Variants in DYM observed in about 807,000 individuals in gnomAD.
DYM encodes the protein dymeclin, also known as dyggve-Melchior-Clausen syndrome protein.
A neutral mutation model predicts 93.1 loss-of-function variants in DYM; 78 were observed. That is an observed-to-expected ratio of 0.84 (90% CI 0.70 to 1.01). The LOEUF is 1.01. Among genes scored for constraint, DYM ranks in the 50% least tolerant of loss-of-function variants. DYM has a pLI of 0.00. For missense variants in DYM, 789 were observed against 845.0 expected, an observed-to-expected ratio of 0.93 and a Z score of 0.82; for synonymous variants, 321 against 319.7, an observed-to-expected ratio of 1.00 and a Z score of -0.04.
At chr18:49,167,941 T>C (rs2088122678) in intron 14 of DYM, among the ~76,000 whole-genome samples, 2 of 152,102 alleles carry the variant, frequency 1.3e-5, no homozygotes, top group Non-Finnish European at 2.9e-5. Flanking sequence ...TACAAGGAAA[T>C]ATTATACAGC....
intron 14 of DYM, among the ~76,000 whole-genome samples, chr18:49,188,017 T>C (rs1364694751): frequency 6.6e-6 from 1 of 152,224 alleles, no homozygotes; most frequent in Non-Finnish European, 1.5e-5. Context: ...TAAAAAGCAC[T>C]ACTCAAATAA....
chr18:49,437,481 T>C (rs915834179), intron 1 of DYM, among the ~76,000 whole-genome samples: 1 of 152,212 alleles, frequency 6.6e-6, no homozygotes, highest in Non-Finnish European at 1.5e-5. Context: ...AAAATAAATG[T>C]CATTCTCCAA....
At chr18:49,367,953 T>C (rs895892144) in intron 5 of DYM, among the ~76,000 whole-genome samples, 2 of 152,218 alleles carry the variant, frequency 1.3e-5, no homozygotes, top group African/African-American at 4.8e-5. Context: ...TTTGCCACTT[T>C]AATAGTGAAA....
intron 17 of DYM, among the ~76,000 whole-genome samples, chr18:49,074,978 TCA>T (rs746501808): frequency 6.6e-6 from 1 of 152,172 alleles, no homozygotes; most frequent in Non-Finnish European, 1.5e-5. Context: ...TGCAATGGAC[TCA>T]CAGAGTCCTG....
At chr18:49,113,146 C>A (rs899543262) in intron 16 of DYM, among the ~76,000 whole-genome samples, 7 of 152,152 alleles carry the variant, frequency 4.6e-5, no homozygotes, top group African/African-American at 1.4e-4. Context: ...ACTGTCAAGT[C>A]AGTAGCCTAA....
chr18:49,431,131 G>C (rs1435047059), intron 1 of DYM, among the ~76,000 whole-genome samples: 1 of 152,166 alleles, frequency 6.6e-6, no homozygotes, highest in Non-Finnish European at 1.5e-5. Context: ...ACAAGGAAGG[G>C]AACATAGCTC....
At chr18:49,284,925 G>A (rs937243657) in intron 9 of DYM, among the ~76,000 whole-genome samples, 3 of 152,152 alleles carry the variant, frequency 2.0e-5, no homozygotes, top group Non-Finnish European at 2.9e-5. Context: ...GGCCTTTACA[G>A]TGTGATTAGG....
At chr18:49,443,291 G>C (rs747297882) in intron 1 of DYM, among the ~76,000 whole-genome samples, 17 of 152,160 alleles carry the variant, frequency 1.1e-4, no homozygotes, top group Non-Finnish European at 2.4e-4. Context: ...GTCTATAGCT[G>C]TTTTCCTGAT....
chr18:49,306,093 A>G (rs921272131), intron 8 of DYM, among the ~76,000 whole-genome samples: 2 of 152,244 alleles, frequency 1.3e-5, no homozygotes, highest in Admixed American at 6.5e-5. Context: ...ACTGAAAGAT[A>G]AATCCAAGGA....
chr18:49,432,329 C>CAAAAAAAAAA (rs11429840), intron 1 of DYM, among the ~76,000 whole-genome samples: 4 of 75,820 alleles, frequency 5.3e-5, no homozygotes, highest in Non-Finnish European at 8.3e-5. Context: ...AAGACTGTCT[C>CAAAAAAAAAA]AAAAAAAAAA....
chr18:49,409,743 C>G lies in DYM; in HGVS notation c.141-18098G>C, dbSNP rs187372012. Among the ~76,000 whole-genome samples the G allele has an allele frequency of 1.3e-3, 197 of 152,248 alleles. 2 individuals are homozygous for G. Among genetic ancestry groups the G allele is most frequent in the Non-Finnish European group, 1.1e-3 (78 of 68,010 alleles). ...TATATAACATGGACCATCTAATAAA[C>G]TAAATACCTAGTCCTGATAATTGTC... On this transcript the variant is annotated intron_variant, in intron 2 of 17. Transcript: ENST00000675505.
chr18:49,171,690 T>C (rs2088751029), intron 14 of DYM, among the ~76,000 whole-genome samples: 1 of 152,102 alleles, frequency 6.6e-6, no homozygotes, highest in Non-Finnish European at 1.5e-5. Flanking sequence ...CCTCTACGTG[T>C]AGACACCCCT....
At chr18:49,111,235 G>A (rs1256450378) in intron 16 of DYM, among the ~76,000 whole-genome samples, 5 of 151,244 alleles carry the variant, frequency 3.3e-5, no homozygotes, top group South Asian at 2.1e-4. Flanking sequence ...AAAAACATAC[G>A]TATTTCACAG....
chr18:49,366,813 G>T (rs575374904), intron 5 of DYM, among the ~76,000 whole-genome samples: 1 of 152,094 alleles, frequency 6.6e-6, no homozygotes. Flanking sequence ...TCATGTTAAC[G>T]TTAATCCTGA....
At chr18:49,428,719 A>G (rs1297981179) in intron 2 of DYM, among the ~76,000 whole-genome samples, 1 of 152,012 alleles carries the variant, frequency 6.6e-6, no homozygotes, top group African/African-American at 2.4e-5. Context: ...TGCAATCTAG[A>G]GTTTGGGGGA....
chr18:49,108,793 T>A (rs1286601436), intron 16 of DYM, among the ~76,000 whole-genome samples: 1 of 152,250 alleles, frequency 6.6e-6, no homozygotes, highest in Non-Finnish European at 1.5e-5. Flanking sequence ...ATTTGCTGTA[T>A]CAATTACTGA....
chr18:49,081,987 G>A (rs549233738), intron 17 of DYM, among the ~76,000 whole-genome samples: 1 of 152,350 alleles, frequency 6.6e-6, no homozygotes, highest in East Asian at 1.9e-4. Context: ...TATCTTCAGA[G>A]CTGGTCTTAG....
At chr18:49,289,404 TAAAAAAAAAAAAAA>T (rs56240607) in intron 8 of DYM, among the ~76,000 whole-genome samples, 14 of 33,504 alleles carry the variant, frequency 4.2e-4, no homozygotes, top group African/African-American at 1.1e-3. Context: ...TACAAATCAG[TAAAAAAAAAAAAAA>T]AAAAAAAAAA....
At chr18:49,320,770 G>T (rs2062414573) in intron 8 of DYM, among the ~76,000 whole-genome samples, 2 of 152,094 alleles carry the variant, frequency 1.3e-5, no homozygotes, top group Admixed American at 1.3e-4. Context: ...ACCGTGGCTG[G>T]CCTGATTCTA....
Sources: gnomAD v4.1 joint callset for allele counts (sites outside exome capture counted in the v4.1 genomes callset) on GRCh38, gnomAD v4.1.1 for gene constraint, MANE v1.5 for transcripts, NCBI Gene and HGNC (gene_info 2026-07-23, HGNC 2026-07-21) for gene names.